KCTD15: variants seen among roughly 807,000 people sequenced by gnomAD.
KCTD15 encodes the protein BTB/POZ domain-containing protein KCTD15.
KCTD15 carries 11 observed loss-of-function variants against 27.2 expected under a neutral mutation model. That is an observed-to-expected ratio of 0.41 (90% confidence interval 0.25 to 0.67). The LOEUF (loss-of-function observed/expected upper bound fraction) is 0.67, where lower values mean the gene tolerates loss of function less well. Ranked by LOEUF, KCTD15 falls within the 30% of genes least tolerant of loss-of-function variation. KCTD15 has a pLI of 0.35. For synonymous variants in KCTD15, 163 were observed against 176.0 expected, an observed-to-expected ratio of 0.93 and a Z score of 0.58; for missense variants, 350 against 409.3, an observed-to-expected ratio of 0.86 and a Z score of 1.25.
Position 33,813,094 on chromosome 19 carries a change from G to A in KCTD15, c.*146G>A. The A allele has an allele frequency of 1.3e-6, 1 of 794,528 alleles. No homozygotes were observed. The highest frequency in any genetic ancestry group is 1.7e-5 in the South Asian group (1 of 60,286). The allele number at this position is 794,528 out of a possible 1,614,324, so 49.2% of individuals were successfully genotyped here. Reference sequence around the variant, plus strand: ...GGCCCAGCGAGCACCAGGGTCCCAGGTGTCATGGCAACAGAACGTGGGATG... The same window carrying A: ...GGCCCAGCGAGCACCAGGGTCCCAGATGTCATGGCAACAGAACGTGGGATG... On this transcript the variant is annotated 3_prime_UTR_variant, in exon 7 of 7. Coordinates refer to ENST00000683859, the MANE Select transcript of KCTD15 (RefSeq NM_001129994.2).
At position 33,801,159 on chromosome 19, in the gene KCTD15, A is replaced by G. The variant is rs1350639694; in HGVS notation, c.67-8A>G. ...AACTCTTGTGTTCCGCTTTGTTTCC[A>G]TCTCTAGGAGGGAGGAAACATGTCC... On this transcript the variant is annotated splice_polypyrimidine_tract_variant and splice_region_variant and intron_variant, in intron 3 of 6. Transcript: ENST00000683859. 14 of 1,581,204 alleles carry G rather than the reference A, an allele frequency of 8.9e-6. No individual in the cohort carries two copies. The highest frequency in any genetic ancestry group is 2.3e-5 in the East Asian group (1 of 44,384).
upstream of KCTD15, among the ~76,000 whole-genome samples, chr19:33,794,637 C>CG (rs761670134): frequency 2.2e-4 from 34 of 152,140 alleles, no homozygotes; most frequent in Non-Finnish European, 1.3e-4. Context: ...AGGCCTGGGG[C>CG]GGGGGAGGAC....
intron 4 of KCTD15, among the ~76,000 whole-genome samples, chr19:33,802,604 TGGCCTTG>T (rs1975593893): frequency 2.0e-5 from 3 of 152,184 alleles, no homozygotes; most frequent in African/African-American, 7.2e-5. Context: ...TGGGGCCCTG[TGGCCTTG>T]GGGCTTGTGG....
chr19:33,811,748 C>G lies in KCTD15; in HGVS notation c.693+196C>G, dbSNP rs199945264. On this transcript the variant is annotated intron_variant, in intron 6 of 6. Transcript: ENST00000683859. ...TAAATGATGGCGCCTGGGGGATGGA[C>G]TTAAAAAAATCGATCTGTACTTTTT... The G allele has an allele frequency of 1.6e-5, 25 of 1,583,998 alleles. No homozygotes were observed. In the East Asian group the frequency reaches 5.2e-4, roughly 33 times the overall value.
chr19:33,813,184 G>T lies in KCTD15; in HGVS notation c.*236G>T. 2 of 623,176 alleles carry T rather than the reference G, an allele frequency of 3.2e-6. No homozygotes were observed. The allele number at this position is 623,176 out of a possible 1,614,324, so 38.6% of individuals were successfully genotyped here. ...AAGATACAGCGGTGGGATCTCTGCT[G>T]CCAGCTCTCCCAGCCCCTCAGCTTC... On this transcript the variant is annotated 3_prime_UTR_variant, in exon 7 of 7. Transcript: ENST00000683859.
chr19:33,811,783 T>G, intron 6 of KCTD15: 1 of 1,601,654 alleles, frequency 6.2e-7, no homozygotes, highest in African/African-American at 1.4e-5. Flanking sequence ...TTTTTTTTTT[T>G]CCAAAAGGAT....
At chr19:33,812,112 C>T (rs1975944109) in intron 6 of KCTD15, 1 of 1,298,142 alleles carries the variant, frequency 7.7e-7, no homozygotes, top group South Asian at 2.2e-5. Flanking sequence ...GTGGAATGGG[C>T]TTTGCAGGGA....
At chr19:33,806,181 C>T (rs1226342577) in intron 4 of KCTD15, among the ~76,000 whole-genome samples, 1 of 152,248 alleles carries the variant, frequency 6.6e-6, no homozygotes, top group Non-Finnish European at 1.5e-5. Context: ...TGCCATCCCT[C>T]CTGTCTGCCT....
chr19:33,810,450 C>T (rs1975859391), intron 5 of KCTD15, among the ~76,000 whole-genome samples: 1 of 152,118 alleles, frequency 6.6e-6, no homozygotes, highest in Non-Finnish European at 1.5e-5. Context: ...GAGGCCGAGG[C>T]AGGTGGATCA....
chr19:33,805,956 GAACC>G (rs1200673742), intron 4 of KCTD15, among the ~76,000 whole-genome samples: 1 of 152,228 alleles, frequency 6.6e-6, no homozygotes. Flanking sequence ...GCATTTGTTA[GAACC>G]ATTGCCCTTC....
rs1599691473 is a variant in KCTD15, at chr19:33,812,435, G to C, written c.694-355G>C. On this transcript the variant is annotated intron_variant, in intron 6 of 6. Coordinates refer to ENST00000683859, the MANE Select transcript of KCTD15 (RefSeq NM_001129994.2). ...GCAGGACTCAGGGAGGACACTTGGGGCCATGTGTCTGGAGAGAGGGCATAG... is the reference window on the plus strand; with the variant it reads ...GCAGGACTCAGGGAGGACACTTGGGCCCATGTGTCTGGAGAGAGGGCATAG... The C allele has an allele frequency of 9.3e-6, 10 of 1,072,318 alleles. 1 individual carries two copies. In the East Asian group the frequency reaches 6.6e-4, roughly 71 times the overall value. The allele number at this position is 1,072,318 out of a possible 1,614,324, so 66.4% of individuals were successfully genotyped here. A position where few individuals can be genotyped will look rare whatever the true frequency, so the allele number is the denominator to read the frequency against.
At position 33,813,475 on chromosome 19, in the gene KCTD15, G is replaced by A. The variant is rs1315059787; in HGVS notation, c.*527G>A. ...GTCAGACGTGCAGCATGGCTGCAGG[G>A]TGGACCAGCTGCCTGGCATTCAGGC... On this transcript the variant is annotated 3_prime_UTR_variant, in exon 7 of 7. Transcript: ENST00000683859. 2.3e-6 allele frequency: 1 copy of A among 443,534 alleles called. No individual in the cohort carries two copies. The highest frequency in any genetic ancestry group is 4.5e-6 in the Non-Finnish European group (1 of 221,080). 27.5% of individuals were successfully genotyped at this position (443,534 alleles called of 1,614,324 possible).
chr19:33,811,191 T>TCCCCCCCCCCCCCCACACCCACCC, intron 5 of KCTD15, 56 bp from the exon 6 acceptor site: 1 of 615,002 alleles, frequency 1.6e-6, no homozygotes, highest in Non-Finnish European at 2.5e-6. Context: ...CTCTCCCCCT[T>TCCCCCCCCCCCCCCACACCCACCC]CCCCCACCAC....
chr19:33,811,885 C>T, intron 6 of KCTD15: 1 of 1,592,936 alleles, frequency 6.3e-7, no homozygotes, highest in Non-Finnish European at 8.5e-7. Context: ...ACCCAGGCAA[C>T]AGGCGAGGCA....
chr19:33,811,742 G>T, intron 6 of KCTD15, 190 bp downstream of exon 6: 1 of 1,581,636 alleles, frequency 6.3e-7, no homozygotes, highest in Non-Finnish European at 8.6e-7. Context: ...GCGCCTGGGG[G>T]ATGGACTTAA....
chr19:33,813,678 C>G lies in KCTD15; in HGVS notation c.*730C>G. 1 of 288,374 alleles carries G rather than the reference C, an allele frequency of 3.5e-6. No homozygotes were observed. Among genetic ancestry groups the G allele is most frequent in the East Asian group, 1.1e-4 (1 of 8,854 alleles). 17.9% of individuals were successfully genotyped at this position (288,374 alleles called of 1,614,324 possible). A position where few individuals can be genotyped will look rare whatever the true frequency, so the allele number is the denominator to read the frequency against. On this transcript the variant is annotated 3_prime_UTR_variant, in exon 7 of 7. Transcript: ENST00000683859. Reference sequence around the variant, plus strand: ...TCCCCGGGTCACCTGACCTGCTGCCCAGGGGCTTCCAGTCCTGTCTGTGTG... The same window carrying G: ...TCCCCGGGTCACCTGACCTGCTGCCGAGGGGCTTCCAGTCCTGTCTGTGTG...
At chr19:33,805,354 G>C (rs752380547) in intron 4 of KCTD15, among the ~76,000 whole-genome samples, 1 of 152,196 alleles carries the variant, frequency 6.6e-6, no homozygotes, top group Non-Finnish European at 1.5e-5. Context: ...TGGTGTGGAC[G>C]GGAGGCCCTG....
intron 6 of KCTD15, chr19:33,812,046 C>A: frequency 7.2e-7 from 1 of 1,398,320 alleles, no homozygotes; most frequent in South Asian, 1.7e-5. Context: ...GGAGTGAGGG[C>A]CTATTTTCCA....
intron 6 of KCTD15, 86 bp downstream of exon 6, chr19:33,811,638 G>C: frequency 6.5e-7 from 1 of 1,526,854 alleles, no homozygotes; most frequent in Non-Finnish European, 8.9e-7. Context: ...AGGGAGGCGC[G>C]ATCCCTGAAA....
Sources: gnomAD v4.1 joint callset for allele counts (sites outside exome capture counted in the v4.1 genomes callset) on GRCh38, gnomAD v4.1.1 for gene constraint, MANE v1.5 for transcripts, NCBI Gene and HGNC (gene_info 2026-07-23, HGNC 2026-07-21) for gene names.